Variants in PTPRN2 observed in about 807,000 individuals in gnomAD.
PTPRN2 encodes receptor-type tyrosine-protein phosphatase N2.
In PTPRN2, 74 loss-of-function variants were observed where a neutral mutation model predicts 118.8. The ratio of observed to expected loss-of-function variants is 0.62; its 90% confidence interval spans 0.52 to 0.76. The LOEUF (loss-of-function observed/expected upper bound fraction) is 0.76, where lower values mean the gene tolerates loss of function less well. Among genes scored for constraint, PTPRN2 ranks in the 30% least tolerant of loss-of-function variants. PTPRN2 has a pLI of 0.00. For synonymous variants in PTPRN2, 641 were observed against 608.0 expected (o/e 1.05, Z -0.80); for missense variants, 1,481 against 1,394.4 (o/e 1.06, Z -0.99).
chr7:158,221,455 A>G (rs1201562891), intron 3 of PTPRN2, among the ~76,000 whole-genome samples: 1 of 152,216 alleles, frequency 6.6e-6, no homozygotes, highest in Non-Finnish European at 1.5e-5. Context: ...AAATATTTGC[A>G]AACTATGCAT....
At chr7:157,717,971 G>A (rs1168546446) in intron 12 of PTPRN2, among the ~76,000 whole-genome samples, 1 of 152,276 alleles carries the variant, frequency 6.6e-6, no homozygotes, top group Non-Finnish European at 1.5e-5. Context: ...TTCTACGCGT[G>A]TGGGCAGGCG....
At chr7:157,689,900 C>A (rs1797389300) in intron 12 of PTPRN2, among the ~76,000 whole-genome samples, 1 of 152,232 alleles carries the variant, frequency 6.6e-6, no homozygotes, top group African/African-American at 2.4e-5. Context: ...GCTCCCGGAC[C>A]CTGGTGAGGA....
intron 6 of PTPRN2, among the ~76,000 whole-genome samples, chr7:158,160,902 G>A (rs1435472246): frequency 2.6e-5 from 4 of 152,156 alleles, no homozygotes; most frequent in East Asian, 1.9e-4. Context: ...GTTTTGTCAC[G>A]ATTTTATATA....
At chr7:157,661,673 G>A (rs917508435) in intron 13 of PTPRN2, among the ~76,000 whole-genome samples, 4 of 152,348 alleles carry the variant, frequency 2.6e-5, no homozygotes, top group South Asian at 2.1e-4. Flanking sequence ...AGGGAGGAAC[G>A]GGATGGTGGG....
At chr7:157,672,788 A>G (rs1470492350) in intron 13 of PTPRN2, among the ~76,000 whole-genome samples, 1 of 152,264 alleles carries the variant, frequency 6.6e-6, no homozygotes, top group Non-Finnish European at 1.5e-5. Context: ...TTAAACCTGT[A>G]TATCAAATCC....
At chr7:157,867,359 C>T (rs1002758132) in intron 12 of PTPRN2, among the ~76,000 whole-genome samples, 4 of 127,118 alleles carry the variant, frequency 3.1e-5, no homozygotes, top group Non-Finnish European at 4.9e-5. Context: ...GCCACCACCC[C>T]GCCCCTGACG....
chr7:158,331,739 T>C (rs1461534734), intron 2 of PTPRN2, among the ~76,000 whole-genome samples: 4 of 142,916 alleles, frequency 2.8e-5, no homozygotes, highest in African/African-American at 1.1e-4. Flanking sequence ...AGCTGACACC[T>C]GCAGACGTCA....
chr7:158,312,950 G>A (rs1801982419), intron 3 of PTPRN2, among the ~76,000 whole-genome samples: 1 of 151,796 alleles, frequency 6.6e-6, no homozygotes, highest in Non-Finnish European at 1.5e-5. Context: ...GTGTGCAGGG[G>A]TGTGTGCGTG....
chr7:158,396,897 G>A (rs116518440), intron 2 of PTPRN2, among the ~76,000 whole-genome samples: 1,562 of 152,256 alleles, frequency 0.01, 30 homozygotes, highest in African/African-American at 0.035. Context: ...CACTGTAAAA[G>A]CCCCAAGACA....
chr7:158,503,973 G>A (rs1822564048), intron 1 of PTPRN2, among the ~76,000 whole-genome samples: 2 of 149,350 alleles, frequency 1.3e-5, no homozygotes, highest in South Asian at 4.3e-4. Flanking sequence ...GGGGACAAGA[G>A]TGAGACTGTC....
At chr7:157,844,509 G>A (rs997252267) in intron 12 of PTPRN2, among the ~76,000 whole-genome samples, 1 of 152,210 alleles carries the variant, frequency 6.6e-6, no homozygotes, top group African/African-American at 2.4e-5. Context: ...AAACTGCCAG[G>A]TGAGGGCCAG....
intron 16 of PTPRN2, among the ~76,000 whole-genome samples, 164 bp from the exon 17 acceptor site, chr7:157,595,479 G>A (rs960973458): frequency 3.4e-5 from 5 of 148,816 alleles, no homozygotes; most frequent in Non-Finnish European, 5.9e-5. Flanking sequence ...TAGGAAGCCA[G>A]GAGGTTAGGA....
At chr7:158,207,929 A>AATTAGATTGATAAT (rs1360781040) in intron 3 of PTPRN2, among the ~76,000 whole-genome samples, 13 of 152,362 alleles carry the variant, frequency 8.5e-5, no homozygotes, top group African/African-American at 3.1e-4. Flanking sequence ...TATCCGATAA[A>AATTAGATTGATAAT]CTTAACAATG....
intron 12 of PTPRN2, among the ~76,000 whole-genome samples, chr7:157,873,142 T>A (rs1811213023): frequency 6.6e-6 from 1 of 152,200 alleles, no homozygotes; most frequent in Non-Finnish European, 1.5e-5. Context: ...CCTCATTCCC[T>A]CTGACCGGGC....
chr7:157,810,475 A>G (rs1229479596), intron 12 of PTPRN2, among the ~76,000 whole-genome samples: 107 of 119,256 alleles, frequency 9.0e-4, no homozygotes, highest in East Asian at 5.9e-3. Context: ...CCACGGGGAC[A>G]GCGGGGCTGC....
intron 2 of PTPRN2, among the ~76,000 whole-genome samples, chr7:158,446,888 C>T (rs1164796225): frequency 3.3e-5 from 5 of 152,314 alleles, no homozygotes; most frequent in African/African-American, 9.6e-5. Flanking sequence ...TGAAGGCGGC[C>T]GGCCTGCAGC....
At chr7:158,431,588 C>A (rs1816191162) in intron 2 of PTPRN2, among the ~76,000 whole-genome samples, 1 of 143,904 alleles carries the variant, frequency 6.9e-6, no homozygotes, top group East Asian at 2.0e-4. Context: ...TACTGGCTCA[C>A]ACTGGCTCAC....
At chr7:158,369,322 C>T (rs916300943) in intron 2 of PTPRN2, among the ~76,000 whole-genome samples, 3 of 151,604 alleles carry the variant, frequency 2.0e-5, no homozygotes, top group East Asian at 3.9e-4. Context: ...TATACATACA[C>T]GTATATGTAA....
rs1797413210 is a variant in PTPRN2 at position 157,901,157 on chromosome 7, T to C, written c.1724-2420A>G. Among the ~76,000 whole-genome samples the C allele has an allele frequency of 6.6e-5, 10 of 152,168 alleles. 1 individual carries two copies. In the South Asian group the frequency reaches 2.1e-3, roughly 31 times the overall value. On this transcript the variant is annotated intron_variant, in intron 11 of 22. Transcript: ENST00000389418. The stretch of plus-strand genomic sequence containing the variant: ...CCAGGCTCTTGTTAACAATCAGCTC[T>C]CACAGGAGTTAAGAGAGCGAGAAGT...
Sources: allele counts gnomAD v4.1 joint callset (sites outside exome capture counted in the v4.1 genomes callset), GRCh38; gene constraint gnomAD v4.1.1; transcripts MANE v1.5; gene names NCBI Gene and HGNC (gene_info 2026-07-23, HGNC 2026-07-21).